The following TRPM3 variants were observed in gnomAD, a reference collection of about 807,000 sequenced individuals.
TRPM3 encodes long transient receptor potential channel 3.
TRPM3 carries 77 observed loss-of-function variants against 181.2 expected under a neutral mutation model. The ratio of observed to expected loss-of-function variants is 0.42; its 90% confidence interval spans 0.35 to 0.51. The LOEUF is 0.51. TRPM3 is among the 20% of genes least tolerant of loss of function. The pLI is 0.01. For missense variants in TRPM3, 1,759 were observed against 2,196.7 expected (o/e 0.80, Z 3.98); for synonymous variants, 745 against 796.4 (o/e 0.94, Z 1.09).
chr9:70,864,230 A>G (rs2095588836), intron 2 of TRPM3, among the ~76,000 whole-genome samples: 1 of 152,102 alleles, frequency 6.6e-6, no homozygotes. Flanking sequence ...GTTTTTCTTT[A>G]TCGGCTCTTA....
intron 22 of TRPM3, among the ~76,000 whole-genome samples, chr9:70,561,579 G>A (rs2049095394): frequency 6.6e-6 from 1 of 152,170 alleles, no homozygotes; most frequent in Non-Finnish European, 1.5e-5. Context: ...CAACTTTCTA[G>A]AGTCAAAAGC....
intron 1 of TRPM3, among the ~76,000 whole-genome samples, chr9:71,262,644 C>G (rs954164399): frequency 3.3e-5 from 5 of 152,340 alleles, no homozygotes; most frequent in Non-Finnish European, 7.4e-5. Context: ...GTGCTTGAAA[C>G]CCAGGGTGCC....
chr9:70,538,956 G>A lies in TRPM3; in HGVS notation c.3708-1551C>T, dbSNP rs961751382. Reference sequence around the variant, plus strand: ...AAACCAAAGCCAAGTTACAATTTGAGCTCAAACTTTCACTTTTAAATGTCC... The same window carrying A: ...AAACCAAAGCCAAGTTACAATTTGAACTCAAACTTTCACTTTTAAATGTCC... On this transcript the variant is annotated intron_variant, in intron 25 of 25. Transcript: ENST00000677713. Among the ~76,000 whole-genome samples, 2 of 152,336 alleles carry A rather than the reference G, an allele frequency of 1.3e-5. 1 individual carries two copies. Among genetic ancestry groups the A allele is most frequent in the Admixed American group, 1.3e-4 (2 of 15,308 alleles).
chr9:70,923,039 G>C (rs1310711595), intron 1 of TRPM3, among the ~76,000 whole-genome samples: 1 of 152,020 alleles, frequency 6.6e-6, no homozygotes, highest in Non-Finnish European at 1.5e-5. Flanking sequence ...TTCCGACTTT[G>C]GTTTTTCCAA....
intron 1 of TRPM3, among the ~76,000 whole-genome samples, chr9:71,444,518 G>A (rs1382998102): frequency 6.6e-6 from 1 of 151,832 alleles, no homozygotes; most frequent in African/African-American, 2.4e-5. Flanking sequence ...GCTACATTAT[G>A]GAATATCTTA....
At chr9:71,179,823 A>C (rs1017099939) in intron 1 of TRPM3, among the ~76,000 whole-genome samples, 1 of 152,112 alleles carries the variant, frequency 6.6e-6, no homozygotes. Flanking sequence ...TTTCAAAATC[A>C]TAGTGAGACT....
intron 1 of TRPM3, chr9:70,868,987 T>A (rs1000639359): frequency 2.3e-5 from 23 of 984,994 alleles, no homozygotes; most frequent in Non-Finnish European, 3.6e-6. Flanking sequence ...TCATTTTACC[T>A]GAGCACTGAT....
At chr9:70,922,344 G>A (rs574428680) in intron 1 of TRPM3, among the ~76,000 whole-genome samples, 2 of 152,196 alleles carry the variant, frequency 1.3e-5, no homozygotes, top group East Asian at 1.9e-4. Flanking sequence ...TGTCATTAAG[G>A]TTTGACTTGG....
chr9:71,212,870 T>C (rs11142736), intron 1 of TRPM3, among the ~76,000 whole-genome samples: 24,270 of 152,082 alleles, frequency 0.16, 2,350 homozygotes, highest in Non-Finnish European at 0.22. Flanking sequence ...TATGTATGTA[T>C]GTATTATAAC....
chr9:71,348,793 A>G (rs2091441801), intron 1 of TRPM3, among the ~76,000 whole-genome samples: 2 of 150,980 alleles, frequency 1.3e-5, no homozygotes, highest in Admixed American at 1.3e-4. Flanking sequence ...CTGGTCTCAA[A>G]CTCCCGGCCT....
In TRPM3 at chr9:70,530,941, C is replaced by A. The variant is rs1424642024; in HGVS notation, c.*5012G>T. The A allele has an allele frequency of 6.6e-6, 1 of 152,120 alleles. No homozygotes were observed. 9.4% of individuals were successfully genotyped at this position (152,120 alleles called of 1,614,324 possible). The stretch of plus-strand genomic sequence containing the variant: ...AATGATGATTTTCTAAAAGAGTAAA[C>A]TCTTTAGAACCACCCAGTGCTTCAT... On this transcript the variant is annotated 3_prime_UTR_variant, in exon 26 of 26. Transcript: ENST00000677713.
intron 1 of TRPM3, among the ~76,000 whole-genome samples, chr9:71,306,737 G>T (rs2132366585): frequency 6.6e-6 from 1 of 152,240 alleles, no homozygotes; most frequent in African/African-American, 2.4e-5. Context: ...AGCTGGGTGT[G>T]GTAATGCGTG....
intron 1 of TRPM3, among the ~76,000 whole-genome samples, chr9:70,967,423 A>G (rs1344430624): frequency 1.3e-5 from 2 of 152,110 alleles, no homozygotes; most frequent in African/African-American, 4.8e-5. Context: ...AAATATAAGC[A>G]GAAAAAGCCC....
intron 1 of TRPM3, among the ~76,000 whole-genome samples, chr9:70,898,747 C>CAAA (rs34952516): frequency 1.5e-4 from 14 of 93,284 alleles, no homozygotes; most frequent in Admixed American, 4.7e-4. Flanking sequence ...GACTTCATCT[C>CAAA]AAAAAAAAAA....
At chr9:70,738,341 A>G (rs936382105) in intron 8 of TRPM3, among the ~76,000 whole-genome samples, 1 of 152,238 alleles carries the variant, frequency 6.6e-6, no homozygotes, top group African/African-American at 2.4e-5. Context: ...TGTCACATGT[A>G]TACATATGTA....
intron 1 of TRPM3, among the ~76,000 whole-genome samples, chr9:71,247,197 T>C (rs1372279211): frequency 6.6e-6 from 1 of 151,790 alleles, no homozygotes; most frequent in Non-Finnish European, 1.5e-5. Context: ...GTACTAAAAA[T>C]ACATTAATTA....
Position 71,159,119 on chromosome 9 carries a change from G to C in TRPM3, c.183+287534C>G, listed in dbSNP as rs528379197. 7.9e-5 allele frequency among the ~76,000 whole-genome samples: 12 copies of C among 151,624 alleles called. No individual in the cohort carries two copies. The East Asian group carries it at 2.3e-3, about 29-fold the overall frequency. The stretch of plus-strand genomic sequence containing the variant: ...ATATATATATTTAGAGAGAGAGAGA[G>C]AGAGAGAGAGAGAGAGAAAGATGTC... On this transcript the variant is annotated intron_variant, in intron 1 of 24. Coordinates refer to the TRPM3 transcript ENST00000357533.
intron 1 of TRPM3, among the ~76,000 whole-genome samples, chr9:71,359,954 T>C (rs2092074369): frequency 1.3e-5 from 2 of 152,204 alleles, no homozygotes; most frequent in Admixed American, 6.5e-5. Context: ...GTTTTGCTTA[T>C]TGTTACATTC....
At chr9:71,111,183 C>G (rs1279460203) in intron 1 of TRPM3, among the ~76,000 whole-genome samples, 1 of 152,128 alleles carries the variant, frequency 6.6e-6, no homozygotes, top group East Asian at 1.9e-4. Context: ...ATTTCTTAGT[C>G]TGTGTTTAGT....
Sources: gnomAD v4.1 joint callset for allele counts (sites outside exome capture counted in the v4.1 genomes callset) on GRCh38, gnomAD v4.1.1 for gene constraint, MANE v1.5 for transcripts, NCBI Gene and HGNC (gene_info 2026-07-23, HGNC 2026-07-21) for gene names.